Variants in POSTN observed in about 807,000 individuals in gnomAD.
POSTN encodes the protein periostin, also known as osteoblast specific factor 2 (fasciclin I-like).
Under a neutral mutation model 104.5 loss-of-function variants are expected in POSTN, and 71 were observed. That is an observed-to-expected ratio of 0.68 (90% CI 0.56 to 0.83). The LOEUF is 0.83. Among genes scored for constraint, POSTN ranks in the 40% least tolerant of loss-of-function variants. The pLI, the probability that POSTN is intolerant of heterozygous loss-of-function variation, is 0.00. For missense variants in POSTN, 949 were observed against 1,006.8 expected (o/e 0.94, Z 0.78); for synonymous variants, 355 against 340.7 (o/e 1.04, Z -0.46).
chr13:37,576,783 G>T (rs1950422425), intron 16 of POSTN, among the ~76,000 whole-genome samples: 1 of 151,916 alleles, frequency 6.6e-6, no homozygotes, highest in African/African-American at 2.4e-5. Flanking sequence ...GAGCTGGCCT[G>T]ATCCTGGAAT....
At position 37,570,911 on chromosome 13, in the gene POSTN, A is replaced by G. The variant is rs76701802; in HGVS notation, c.2180-242T>C. On this transcript the variant is annotated intron_variant, in intron 18 of 22. Coordinates refer to ENST00000379747, the MANE Select transcript of POSTN (RefSeq NM_006475.3). ...TTGACATCCTAACTCTCCATGTCAT[A>G]CTTGTTTTCTGGATGTGGAATAAAT... 1,508 of 387,592 alleles carry G rather than the reference A, an allele frequency of 3.9e-3. 20 individuals carry two copies. The highest frequency in any genetic ancestry group is 0.028 in the African/African-American group (1,395 of 49,018). The allele number at this position is 387,592 out of a possible 1,614,324, so 24.0% of individuals were successfully genotyped here.
chr13:37,564,424 T>C (rs571450058), intron 22 of POSTN, 95 bp downstream of exon 22: 1 of 712,306 alleles, frequency 1.4e-6, no homozygotes, highest in Non-Finnish European at 2.3e-6. Flanking sequence ...ATAACAAGTT[T>C]CAATAAAATA....
Position 37,563,301 on chromosome 13 carries a change from T to A in POSTN, c.*32A>T, listed in dbSNP as rs1566535567. 2 of 1,523,190 alleles carry A rather than the reference T, an allele frequency of 1.3e-6. No individual in the cohort carries two copies. The highest frequency in any genetic ancestry group is 9.0e-7 in the Non-Finnish European group (1 of 1,106,036). The allele number at this position is 1,523,190 out of a possible 1,614,324, so 94.4% of individuals were successfully genotyped here. On this transcript the variant is annotated 3_prime_UTR_variant, in exon 23 of 23. Coordinates refer to ENST00000379747, the MANE Select transcript of POSTN (RefSeq NM_006475.3). ...TAAGGTCAGGTTATTGACTTAGGGTTGTATAAACATTTTTTTCTGGTTTTT... is the reference window on the plus strand; with the variant it reads ...TAAGGTCAGGTTATTGACTTAGGGTAGTATAAACATTTTTTTCTGGTTTTT...
rs1274490648 is a variant in POSTN at position 37,563,422 on chromosome 13, A to C, written c.2474-52T>G. The C allele has an allele frequency of 3.2e-6, 4 of 1,251,938 alleles. No individual in the cohort carries two copies. In the South Asian group the frequency reaches 4.7e-5, roughly 15 times the overall value. 77.6% of individuals were successfully genotyped at this position (1,251,938 alleles called of 1,614,324 possible). On this transcript the variant is annotated intron_variant, in intron 22 of 22. Coordinates refer to ENST00000379747, the MANE Select transcript of POSTN (RefSeq NM_006475.3). ...AGACTGTAAATGTTAGGAAATTTTA[A>C]AATTTAAGAATATATTATTCTCTGT...
chr13:37,572,185 T>G (rs1420438070), intron 17 of POSTN, among the ~76,000 whole-genome samples: 1 of 151,686 alleles, frequency 6.6e-6, no homozygotes, highest in African/African-American at 2.4e-5. Context: ...TAAGACTGTT[T>G]CACAGAGGAG....
rs776976050 is a variant in POSTN, at chr13:37,563,408, G to A, written c.2474-38C>T. Reference sequence around the variant, plus strand: ...AAAGGAGAATGTATAGACTGTAAATGTTAGGAAATTTTAAAATTTAAGAAT... The same window carrying A: ...AAAGGAGAATGTATAGACTGTAAATATTAGGAAATTTTAAAATTTAAGAAT... On this transcript the variant is annotated intron_variant, in intron 22 of 22. Coordinates refer to ENST00000379747, the MANE Select transcript of POSTN (RefSeq NM_006475.3). 3.6e-6 allele frequency: 5 copies of A among 1,385,558 alleles called. No homozygotes were observed. The East Asian group carries it at 7.0e-5, about 19-fold the overall frequency. The allele number at this position is 1,385,558 out of a possible 1,614,324, so 85.8% of individuals were successfully genotyped here.
chr13:37,588,678 AGTGCTGAGATAGG>A (rs1950832528), intron 4 of POSTN, among the ~76,000 whole-genome samples: 1 of 152,328 alleles, frequency 6.6e-6, no homozygotes, highest in Non-Finnish European at 1.5e-5. Flanking sequence ...TTTTAAATCC[AGTGCTGAGATAGG>A]GTGAATGCCA....
chr13:37,587,971 A>T lies in POSTN; in HGVS notation c.457T>A (p.Leu153Met). The T allele has an allele frequency of 6.3e-6, 10 of 1,599,248 alleles. No individual in the cohort carries two copies. Among genetic ancestry groups the T allele is most frequent in the Non-Finnish European group, 7.7e-6 (9 of 1,169,532 alleles). ...DNLDSDIRRG[L>M]ESNVNVELLN... ...AATTCAACATTCACGTTGCTCTCCA[A>T]ACCTCTACGGATATCCTAGGAAAAA... is the stretch of plus-strand genomic sequence containing the variant. Residue 153 changes from leucine to methionine, a missense_variant, in exon 5 of 23, where the codon TTG (leucine) becomes ATG (methionine). By Grantham distance (15) the Leu-to-Met change is conservative (BLOSUM62 2). Transcript: ENST00000379747.
At chr13:37,572,394 T>G (rs1187353232) in intron 17 of POSTN, among the ~76,000 whole-genome samples, 3 of 151,576 alleles carry the variant, frequency 2.0e-5, no homozygotes, top group Non-Finnish European at 3.0e-5. Flanking sequence ...AAACCATAAG[T>G]ATTTCATGCC....
intron 4 of POSTN, among the ~76,000 whole-genome samples, chr13:37,589,885 A>G (rs905749129): frequency 5.3e-5 from 8 of 152,134 alleles, no homozygotes; most frequent in African/African-American, 1.9e-4. Context: ...AATCAAATGT[A>G]TTTTCACATT....
intron 18 of POSTN, 56 bp from the exon 19 acceptor site, chr13:37,570,725 T>A: frequency 9.6e-7 from 1 of 1,045,868 alleles, no homozygotes; most frequent in Non-Finnish European, 1.5e-6. Context: ...TGACTATACA[T>A]CCATAAGCTA....
chr13:37,570,533 G>T (rs967755101), intron 19 of POSTN, 47 bp downstream of exon 19: 5 of 1,238,626 alleles, frequency 4.0e-6, no homozygotes, highest in East Asian at 2.3e-5. Flanking sequence ...ACTATAATTT[G>T]ATCTTTATAA....
At chr13:37,589,043 T>C in intron 4 of POSTN, among the ~76,000 whole-genome samples, 1 of 152,160 alleles carries the variant, frequency 6.6e-6, no homozygotes, top group East Asian at 1.9e-4. Flanking sequence ...ACATTGACAC[T>C]GGTACTGCCA....
chr13:37,571,285 C>G, intron 18 of POSTN, 84 bp downstream of exon 18: 1 of 877,462 alleles, frequency 1.1e-6, no homozygotes, highest in South Asian at 1.8e-5. Flanking sequence ...GAGAAAATAT[C>G]AGATGTTCAA....
Position 37,598,606 on chromosome 13 carries a change from A to G in POSTN, c.119+2T>C. The G allele has an allele frequency of 6.2e-7, 1 of 1,606,566 alleles. No homozygotes were observed. Among genetic ancestry groups the G allele is most frequent in the South Asian group, 1.1e-5 (1 of 89,960 alleles). ...GTTTATAAAACCAAACCACTCACTT[A>G]CCCTTGGTCCCGACCCCTGATACGA... is the stretch of plus-strand genomic sequence containing the variant. On this transcript the variant is annotated splice_donor_variant, in intron 1 of 22. Coordinates refer to ENST00000379747, the MANE Select transcript of POSTN (RefSeq NM_006475.3). LOFTEE classifies it high-confidence loss of function.
At chr13:37,582,302 C>A in intron 10 of POSTN, 64 bp downstream of exon 10, 1 of 1,494,984 alleles carries the variant, frequency 6.7e-7, no homozygotes, top group Non-Finnish European at 9.0e-7. Flanking sequence ...GTGAAATATT[C>A]ATTGAAACAG....
rs1374100200 is a variant in POSTN at position 37,586,372 on chromosome 13, G to A, written c.754-92C>T. The A allele has an allele frequency of 2.3e-6, 3 of 1,309,206 alleles. No individual in the cohort carries two copies. In the African/African-American group the frequency reaches 4.4e-5, roughly 19 times the overall value. 81.1% of individuals were successfully genotyped at this position (1,309,206 alleles called of 1,614,324 possible). On this transcript the variant is annotated intron_variant, in intron 6 of 22. Transcript: ENST00000379747. ...TAGCCTAGGCTGACATGAAGGAGCT[G>A]ATTCCTACACTATAGAGGTTTGTTG...
In POSTN at chr13:37,584,052, A is replaced by G. The variant is rs1950676817; in HGVS notation, c.1160T>C (p.Leu387Pro). The change falls in exon 9 of 23, where the codon CTT becomes CCT. Residue 387 changes from leucine (L) to proline (P), a missense_variant. Physicochemically the swap from Leu to Pro is moderately conservative, Grantham distance 98 (BLOSUM62 -3). Transcript: ENST00000379747. ...AGATGCCAAGCCTAATTGGGCCACA[A>G]GATCCGTGAAGGTGGTTTGCTGTTT... is the stretch of plus-strand genomic sequence containing the variant. ...AGKQQTTFTD[L>P]VAQLGLASAL... is the part of the protein sequence containing the mutation. The G allele has an allele frequency of 1.9e-6, 3 of 1,613,848 alleles. No homozygotes were observed. Among genetic ancestry groups the G allele is most frequent in the Admixed American group, 1.7e-5 (1 of 59,954 alleles).
rs762307636 is a variant in POSTN at position 37,586,279 on chromosome 13, GC to G, written c.754del (p.Ala252GlnfsTer36). The G allele has an allele frequency of 6.2e-7, 1 of 1,606,950 alleles. No homozygotes were observed. On this transcript the variant is annotated frameshift_variant and splice_region_variant, in exon 7 of 23. Coordinates refer to ENST00000379747, the MANE Select transcript of POSTN (RefSeq NM_006475.3). LOFTEE classifies it high-confidence loss of function. ...CAATATGTCCGATGTGATGGCAGCT[GC>G]CTGAAACACAAATGTGCTTTTCAGA... Reference protein sequence around the residue: ...EAEDDLSSFRAAAITSDILEA... With the variant: ...EAEDDLSSFRXAAITSDILEA...
Sources: allele counts gnomAD v4.1 joint callset (sites outside exome capture counted in the v4.1 genomes callset), GRCh38; gene constraint gnomAD v4.1.1; transcripts MANE v1.5; gene names NCBI Gene and HGNC (gene_info 2026-07-23, HGNC 2026-07-21).